NCALD: variants seen among roughly 807,000 people sequenced by gnomAD.
The protein encoded by NCALD is neurocalcin delta, also known as neurocalcin-delta.
NCALD carries 10 observed loss-of-function variants against 18.6 expected under a neutral mutation model. The ratio of observed to expected loss-of-function variants is 0.54; its 90% CI spans 0.33 to 0.91. The LOEUF (loss-of-function observed/expected upper bound fraction) is 0.91. Among genes scored for constraint, NCALD ranks in the 40% least tolerant of loss-of-function variants. The pLI, the probability that NCALD is intolerant of heterozygous loss-of-function variation, is 0.03. For synonymous variants in NCALD, 88 were observed against 87.4 expected (o/e 1.01, Z -0.04); for missense variants, 184 against 247.6 (o/e 0.74, Z 1.72).
At chr8:101,938,401 T>C (rs1163335319) in intron 2 of NCALD, among the ~76,000 whole-genome samples, 1 of 152,210 alleles carries the variant, frequency 6.6e-6, no homozygotes, top group Non-Finnish European at 1.5e-5. Context: ...CACGGTTACA[T>C]AGTACTTCAG....
At chr8:101,714,206 C>T (rs1815951952) in intron 2 of NCALD, among the ~76,000 whole-genome samples, 1 of 152,182 alleles carries the variant, frequency 6.6e-6, no homozygotes, top group Non-Finnish European at 1.5e-5. Flanking sequence ...CAAATTTTCT[C>T]TGTTTGCAGA....
At chr8:101,797,049 T>G (rs1812663602) in intron 4 of NCALD, among the ~76,000 whole-genome samples, 1 of 152,234 alleles carries the variant, frequency 6.6e-6, no homozygotes, top group African/African-American at 2.4e-5. Flanking sequence ...ATGGAACCAA[T>G]GTACTTCTTA....
chr8:101,705,203 A>T (rs1315062587), intron 2 of NCALD, among the ~76,000 whole-genome samples: 1 of 152,124 alleles, frequency 6.6e-6, no homozygotes, highest in Non-Finnish European at 1.5e-5. Flanking sequence ...CAGCCTGGGC[A>T]GCAGAGCAAG....
intron 1 of NCALD, among the ~76,000 whole-genome samples, chr8:101,761,743 G>A (rs1331372542): frequency 1.3e-5 from 2 of 152,158 alleles, no homozygotes; most frequent in Admixed American, 1.3e-4. Context: ...AGCTGCGCAC[G>A]CAGCTACCCT....
chr8:101,751,168 G>C (rs1810640091), intron 1 of NCALD, among the ~76,000 whole-genome samples: 1 of 152,158 alleles, frequency 6.6e-6, no homozygotes, highest in South Asian at 2.1e-4. Context: ...CTTAAAAAAT[G>C]AAGCTCTGAC....
chr8:102,034,082 T>C (rs7841682), intron 1 of NCALD, among the ~76,000 whole-genome samples: 3,355 of 151,844 alleles, frequency 0.022, 122 homozygotes, highest in African/African-American at 0.076. Context: ...GTAAGGGCTA[T>C]AGCAACTATG....
intron 1 of NCALD, among the ~76,000 whole-genome samples, chr8:102,038,724 C>G (rs906067555): frequency 1.3e-5 from 2 of 152,150 alleles, no homozygotes; most frequent in African/African-American, 4.8e-5. Context: ...AACACAAGCA[C>G]AGTGGGCAGA....
intron 3 of NCALD, among the ~76,000 whole-genome samples, chr8:101,906,145 A>T (rs1817604027): frequency 6.6e-6 from 1 of 152,188 alleles, no homozygotes; most frequent in Non-Finnish European, 1.5e-5. Flanking sequence ...ATGGAACTCC[A>T]CAGGGCAGGG....
At chr8:101,943,398 A>T (rs1173918500) in intron 2 of NCALD, among the ~76,000 whole-genome samples, 1 of 152,230 alleles carries the variant, frequency 6.6e-6, no homozygotes, top group Non-Finnish European at 1.5e-5. Context: ...AGGACTAAAA[A>T]GGCATTATTC....
intron 2 of NCALD, among the ~76,000 whole-genome samples, chr8:101,936,883 G>A (rs1037431585): frequency 2.6e-5 from 4 of 152,114 alleles, no homozygotes; most frequent in Non-Finnish European, 4.4e-5. Flanking sequence ...CTTGTCTCTT[G>A]TATCCTATCT....
chr8:101,888,061 C>T (rs73696543), intron 3 of NCALD, among the ~76,000 whole-genome samples: 3,787 of 152,246 alleles, frequency 0.025, 164 homozygotes, highest in African/African-American at 0.086. Context: ...TGAGGTCATT[C>T]TGAGGGCCCA....
intron 1 of NCALD, among the ~76,000 whole-genome samples, chr8:101,733,052 A>C (rs1244721318): frequency 1.3e-5 from 2 of 152,188 alleles, no homozygotes; most frequent in Non-Finnish European, 2.9e-5. Flanking sequence ...CCAGGGGTGT[A>C]GAACCAGAAC....
intron 4 of NCALD, among the ~76,000 whole-genome samples, chr8:101,835,161 T>A (rs969738164): frequency 8.5e-5 from 13 of 152,250 alleles, no homozygotes; most frequent in Non-Finnish European, 7.3e-5. Flanking sequence ...TTAGGTACCA[T>A]CGGATGCTGT....
intron 1 of NCALD, among the ~76,000 whole-genome samples, chr8:102,028,700 A>G (rs1330994323): frequency 1.3e-5 from 2 of 152,212 alleles, no homozygotes; most frequent in African/African-American, 2.4e-5. Context: ...TTTGCCCGCC[A>G]TATGTGAATT....
intron 2 of NCALD, among the ~76,000 whole-genome samples, chr8:101,978,676 T>C (rs1162309348): frequency 2.6e-5 from 4 of 152,080 alleles, no homozygotes; most frequent in Non-Finnish European, 5.9e-5. Flanking sequence ...GAGGACACTG[T>C]TTTTATAGTA....
rs1341740861 is a variant in NCALD, at chr8:101,965,592, C to T, written c.-156-49734G>A. 3.3e-5 allele frequency among the ~76,000 whole-genome samples: 5 copies of T among 152,074 alleles called. No individual in the cohort carries two copies. The East Asian group carries it at 7.7e-4, about 24-fold the overall frequency. On this transcript the variant is annotated intron_variant, in intron 2 of 6. Coordinates refer to the NCALD transcript ENST00000311028. Reference sequence around the variant, plus strand: ...GAACACATGGACACAGGGAGGGGAACATCACACACCAGGACCTGTTGTGGG... The same window carrying T: ...GAACACATGGACACAGGGAGGGGAATATCACACACCAGGACCTGTTGTGGG...
At chr8:101,807,188 C>T (rs1192639191) in intron 4 of NCALD, among the ~76,000 whole-genome samples, 2 of 151,846 alleles carry the variant, frequency 1.3e-5, no homozygotes, top group African/African-American at 4.8e-5. Flanking sequence ...AGCAAGTGAC[C>T]TCGGATAAAA....
chr8:101,920,645 C>G (rs768069720), intron 2 of NCALD, among the ~76,000 whole-genome samples: 16 of 152,150 alleles, frequency 1.1e-4, no homozygotes, highest in Non-Finnish European at 2.1e-4. Flanking sequence ...CCAAATATCA[C>G]ATGTTCTCAC....
At chr8:102,015,736 C>G (rs922169623) in intron 2 of NCALD, among the ~76,000 whole-genome samples, 1 of 152,148 alleles carries the variant, frequency 6.6e-6, no homozygotes, top group Non-Finnish European at 1.5e-5. Context: ...AGGGGTCACA[C>G]AAACTGTCCC....
Sources: gnomAD v4.1 joint callset for allele counts (sites outside exome capture counted in the v4.1 genomes callset) on GRCh38, gnomAD v4.1.1 for gene constraint, MANE v1.5 for transcripts, NCBI Gene and HGNC (gene_info 2026-07-23, HGNC 2026-07-21) for gene names.